Variants in SEMA6D observed in about 807,000 individuals in gnomAD.
SEMA6D encodes the protein semaphorin-6D.
Under a neutral mutation model 106.6 loss-of-function variants are expected in SEMA6D, and 35 were observed. The ratio of observed to expected loss-of-function variants is 0.33; its 90% CI spans 0.25 to 0.44. The LOEUF (loss-of-function observed/expected upper bound fraction) is 0.44. SEMA6D is among the 20% of genes least tolerant of loss of function. The probability of loss-of-function intolerance (pLI) is 1.00; values close to 1 mark genes in which losing one functional copy is unlikely to be tolerated. For missense variants in SEMA6D, 1,185 were observed against 1,345.9 expected, an observed-to-expected ratio of 0.88 and a Z score of 1.87; for synonymous variants, 499 against 487.7, an observed-to-expected ratio of 1.02 and a Z score of -0.31.
At chr15:47,746,997 T>TATATATATATAC (rs1172239383) in intron 1 of SEMA6D, among the ~76,000 whole-genome samples, 1 of 149,678 alleles carries the variant, frequency 6.7e-6, no homozygotes, top group African/African-American at 2.4e-5. Flanking sequence ...TATATATATA[T>TATATATATATAC]ATATATTTCG....
chr15:47,427,264 T>A (rs1347423786), intron 2 of SEMA6D, among the ~76,000 whole-genome samples: 1 of 152,096 alleles, frequency 6.6e-6, no homozygotes, highest in African/African-American at 2.4e-5. Context: ...AATAGAGTGA[T>A]CCCTTGGTCA....
chr15:47,558,546 T>C (rs1345014873), intron 3 of SEMA6D, among the ~76,000 whole-genome samples: 1 of 151,914 alleles, frequency 6.6e-6, no homozygotes, highest in Non-Finnish European at 1.5e-5. Context: ...AAGCAGAGAC[T>C]TGCACAGGGT....
chr15:47,339,384 C>A (rs893375049), intron 1 of SEMA6D, among the ~76,000 whole-genome samples: 2 of 152,092 alleles, frequency 1.3e-5, no homozygotes, highest in African/African-American at 2.4e-5. Flanking sequence ...GGATGTGACA[C>A]CATCTCCAGG....
intron 4 of SEMA6D, among the ~76,000 whole-genome samples, chr15:47,631,370 A>G (rs551978835): frequency 4.6e-5 from 7 of 151,922 alleles, no homozygotes; most frequent in Admixed American, 3.3e-4. Flanking sequence ...TTATGAGTAT[A>G]AAGTTATCTG....
chr15:47,447,038 C>A (rs1400934712), intron 2 of SEMA6D, among the ~76,000 whole-genome samples: 1 of 152,190 alleles, frequency 6.6e-6, no homozygotes, highest in Non-Finnish European at 1.5e-5. Context: ...CTTTCTGGAG[C>A]CTCATCCCTG....
chr15:47,600,161 G>A (rs529812598), intron 3 of SEMA6D, among the ~76,000 whole-genome samples: 4 of 152,134 alleles, frequency 2.6e-5, no homozygotes, highest in Non-Finnish European at 4.4e-5. Context: ...TGAGAACCAG[G>A]CGTGGTGTTT....
At chr15:47,585,451 A>G (rs769237304) in intron 3 of SEMA6D, among the ~76,000 whole-genome samples, 8 of 152,216 alleles carry the variant, frequency 5.3e-5, no homozygotes, top group Non-Finnish European at 8.8e-5. Flanking sequence ...TCTCTCTGAC[A>G]GCCCCAATAT....
At chr15:47,716,479 C>T (rs1459564299), upstream of SEMA6D, among the ~76,000 whole-genome samples, 2 of 152,082 alleles carry the variant, frequency 1.3e-5, no homozygotes, top group Non-Finnish European at 2.9e-5. Context: ...GGTAATTAAC[C>T]ATACTCAAAT....
intron 17 of SEMA6D, among the ~76,000 whole-genome samples, chr15:47,767,805 G>A (rs2082422188): frequency 6.6e-6 from 1 of 152,198 alleles, no homozygotes. Flanking sequence ...AAAAGGTTAA[G>A]TTAACTCCCG....
chr15:47,484,684 A>G (rs2043247525), intron 3 of SEMA6D, among the ~76,000 whole-genome samples: 2 of 152,202 alleles, frequency 1.3e-5, no homozygotes, highest in South Asian at 4.1e-4. Context: ...GAATCCCATC[A>G]GATTTAAGGC....
intron 1 of SEMA6D, among the ~76,000 whole-genome samples, chr15:47,342,903 G>C (rs904040053): frequency 6.6e-6 from 1 of 152,064 alleles, no homozygotes; most frequent in African/African-American, 2.4e-5. Context: ...AGTAAAGGCA[G>C]GGTTTCACCA....
chr15:47,188,068 C>G (rs1244064685), intron 1 of SEMA6D, among the ~76,000 whole-genome samples: 3 of 152,114 alleles, frequency 2.0e-5, no homozygotes, highest in African/African-American at 7.2e-5. Context: ...TAATTCCACT[C>G]ACTTTTTTAT....
intron 3 of SEMA6D, among the ~76,000 whole-genome samples, chr15:47,576,818 T>A (rs193223196): frequency 6.6e-6 from 1 of 152,346 alleles, no homozygotes; most frequent in Admixed American, 6.5e-5. Context: ...TCATTGCTTA[T>A]CTATCCAGAA....
chr15:47,568,950 G>A (rs896769837), intron 3 of SEMA6D, among the ~76,000 whole-genome samples: 3 of 152,130 alleles, frequency 2.0e-5, no homozygotes, highest in African/African-American at 7.2e-5. Flanking sequence ...TAGAACAGCA[G>A]TTTTCAAACT....
intron 1 of SEMA6D, among the ~76,000 whole-genome samples, chr15:47,210,726 C>G (rs2029904678): frequency 7.4e-6 from 1 of 134,932 alleles, no homozygotes; most frequent in Non-Finnish European, 1.5e-5. Flanking sequence ...GATAGCACCA[C>G]TGCAGTCCAG....
chr15:47,281,198 G>A (rs1177076135), intron 1 of SEMA6D, among the ~76,000 whole-genome samples: 3 of 118,060 alleles, frequency 2.5e-5, no homozygotes, highest in African/African-American at 9.4e-5. Context: ...CTTGCTTTAT[G>A]AATCTTGGTG....
chr15:47,239,352 A>C (rs1228267385), intron 1 of SEMA6D, among the ~76,000 whole-genome samples: 1 of 152,180 alleles, frequency 6.6e-6, no homozygotes. Context: ...TTATAAAAAC[A>C]GAAATAAAGT....
rs1004748468 is a variant in SEMA6D at position 47,550,044 on chromosome 15, T to C, written c.-86-50821T>C. Among the ~76,000 whole-genome samples the C allele has an allele frequency of 2.6e-5, 4 of 152,222 alleles. No homozygotes were observed. In the East Asian group the frequency reaches 7.7e-4, roughly 29 times the overall value. On this transcript the variant is annotated intron_variant, in intron 3 of 19. Transcript: ENST00000558014. ...GTAGAAAGGTATCTTTGCCCAAGTATTGGCCTTTTGAGACACTGGAGAACA... is the reference window on the plus strand; with the variant it reads ...GTAGAAAGGTATCTTTGCCCAAGTACTGGCCTTTTGAGACACTGGAGAACA...
chr15:47,277,519 G>A (rs986943737), intron 1 of SEMA6D, among the ~76,000 whole-genome samples: 1 of 151,720 alleles, frequency 6.6e-6, no homozygotes, highest in African/African-American at 2.4e-5. Context: ...CTGTGACTCA[G>A]TGCAGACTCA....
Sources: allele counts gnomAD v4.1 joint callset (sites outside exome capture counted in the v4.1 genomes callset), GRCh38; gene constraint gnomAD v4.1.1; transcripts MANE v1.5; gene names NCBI Gene and HGNC (gene_info 2026-07-23, HGNC 2026-07-21).